Variants in JAG2 observed in about 807,000 individuals in gnomAD.
The protein encoded by JAG2 is protein jagged-2.
JAG2 carries 46 observed loss-of-function variants against 141.7 expected under a neutral mutation model. The ratio of observed to expected loss-of-function variants is 0.32; its 90% CI spans 0.26 to 0.42. The LOEUF (loss-of-function observed/expected upper bound fraction) is 0.42, where lower values mean the gene tolerates loss of function less well. JAG2 is among the 10% of genes least tolerant of loss of function. The probability of loss-of-function intolerance (pLI) is 1.00; values close to 1 mark genes in which losing one functional copy is unlikely to be tolerated. For synonymous variants in JAG2, 862 were observed against 763.5 expected (o/e 1.13, Z -2.13); for missense variants, 1,500 against 1,817.5 (o/e 0.83, Z 3.18).
chr14:105,157,378 G>C (rs1392456800), intron 3 of JAG2, among the ~76,000 whole-genome samples: 1 of 152,034 alleles, frequency 6.6e-6, no homozygotes, highest in Non-Finnish European at 1.5e-5. Context: ...AAGGCTCCAT[G>C]CTCCAGTACA....
At chr14:105,155,353 C>T (rs1347595714) in intron 5 of JAG2, among the ~76,000 whole-genome samples, 1 of 152,176 alleles carries the variant, frequency 6.6e-6, no homozygotes, top group Non-Finnish European at 1.5e-5. Context: ...CCTCACTGTC[C>T]TCACATGGCT....
At chr14:105,147,204 A>G in intron 20 of JAG2, 122 bp downstream of exon 20, 3 of 763,884 alleles carry the variant, frequency 3.9e-6, no homozygotes, top group Non-Finnish European at 6.8e-6. Context: ...GGCTCAGAAG[A>G]GAGGCAGGAA....
At chr14:105,146,201 T>C (rs1888217860) in intron 22 of JAG2, among the ~76,000 whole-genome samples, 184 bp downstream of exon 22, 1 of 152,158 alleles carries the variant, frequency 6.6e-6, no homozygotes, top group African/African-American at 2.4e-5. Flanking sequence ...AGACCAGGCC[T>C]GTTTTCCCAA....
chr14:105,167,519 G>A lies in JAG2; in HGVS notation c.417+238C>T, dbSNP rs917639257. ...CCGCACACCGCCGCGCACGCGGGACGCCGCCGCCCCGCCCCCGCCGCGACC... is the reference window on the plus strand; with the variant it reads ...CCGCACACCGCCGCGCACGCGGGACACCGCCGCCCCGCCCCCGCCGCGACC... On this transcript the variant is annotated intron_variant, in intron 2 of 25. Coordinates refer to ENST00000331782, the MANE Select transcript of JAG2 (RefSeq NM_002226.5). This position sits in a 1 kb window ranked among gnomAD's most constrained non-coding sequence, Gnocchi z 4.8. 1.1e-4 allele frequency among the ~76,000 whole-genome samples: 16 copies of A among 148,476 alleles called. No homozygotes were observed. Among genetic ancestry groups the A allele is most frequent in the African/African-American group, 3.9e-4 (16 of 41,078 alleles).
chr14:105,148,804 T>C lies in JAG2; in HGVS notation c.1961A>G (p.Glu654Gly), dbSNP rs770845911. 2.3e-5 allele frequency: 36 copies of C among 1,598,562 alleles called. No homozygotes were observed. The highest frequency in any genetic ancestry group is 5.1e-5 in the Admixed American group (3 of 58,368). Residue 654 changes from glutamate (E) to glycine (G), a missense_variant, in exon 15 of 26, where the codon GAG becomes GGG. By Grantham distance (98) the Glu-to-Gly change is moderately conservative (BLOSUM62 -2). Transcript: ENST00000331782. ...PCRNGGTCIDEVDAFRCFCPS... is the reference protein window; with the variant it reads ...PCRNGGTCIDGVDAFRCFCPS... ...GCAGAAGCAGCGGAAGGCGTCCACC[T>C]CATCGATGCATGTGCCCCCATTGCG... is the stretch of plus-strand genomic sequence containing the variant.
At chr14:105,168,265 A>C in intron 1 of JAG2, 90 bp downstream of exon 1, 1 of 708,360 alleles carries the variant, frequency 1.4e-6, no homozygotes, top group Non-Finnish European at 1.7e-6. Context: ...CTTCCGAACC[A>C]CGGCGGCCCC....
chr14:105,158,299 G>A (rs1031086423), intron 2 of JAG2, among the ~76,000 whole-genome samples: 1 of 152,148 alleles, frequency 6.6e-6, no homozygotes, highest in Admixed American at 6.5e-5. Context: ...CCAACAGGCC[G>A]GAGCTCAGGT....
chr14:105,145,212 CCCACCCGGCTGTG>C lies in JAG2; in HGVS notation c.2953-164_2953-152del, dbSNP rs1888187508. ...TGCCAAGGGCCTGGGGGGGCAGCTT[CCCACCCGGCTGTG>C]CCCTATACCAGGAGGCAGGAGTGAC... On this transcript the variant is annotated intron_variant, in intron 23 of 25. Coordinates refer to ENST00000331782, the MANE Select transcript of JAG2 (RefSeq NM_002226.5). 3.6e-6 allele frequency: 4 copies of C among 1,103,334 alleles called. No homozygotes were observed. The East Asian group carries it at 7.6e-5, about 21-fold the overall frequency. 68.3% of individuals were successfully genotyped at this position (1,103,334 alleles called of 1,614,324 possible).
At chr14:105,148,665 G>A (rs1888307978) in intron 15 of JAG2, 80 bp downstream of exon 15, 39 of 1,285,972 alleles carry the variant, frequency 3.0e-5, no homozygotes, top group Non-Finnish European at 4.1e-5. Context: ...GCCGCACCCA[G>A]ACAGCGGTCC....
rs1474221368 is a variant in JAG2 at position 105,154,321 on chromosome 14, T to C, written c.788+1241A>G. Among the ~76,000 whole-genome samples, 1 of 152,072 alleles carries C rather than the reference T, an allele frequency of 6.6e-6. No homozygotes were observed. On this transcript the variant is annotated intron_variant, in intron 5 of 25. Transcript: ENST00000331782. The surrounding 1 kb of genome is among the most constrained non-coding windows in gnomAD (Gnocchi z 4.4). ...CAATCCAAGGCTGGCTGGAGGGCGG[T>C]GCTCACCTCCACCTGCTGTCTCTCC...
intron 5 of JAG2, among the ~76,000 whole-genome samples, 196 bp downstream of exon 5, chr14:105,155,366 C>T (rs1402173388): frequency 1.3e-5 from 2 of 152,156 alleles, no homozygotes; most frequent in African/African-American, 2.4e-5. Flanking sequence ...ACATGGCTGC[C>T]GCCATCAGAC....
At position 105,143,136 on chromosome 14, in the gene JAG2, G is replaced by A. The variant is rs1215368363; in HGVS notation, c.3276C>T (p.Ser1092=). The change falls in exon 26 of 26, where the codon AGC becomes AGT. Residue 1092 remains serine, a synonymous_variant. Coordinates refer to ENST00000331782, the MANE Select transcript of JAG2 (RefSeq NM_002226.5). ...LLVPVLCGAF[S]VLWLACVVLC... ...GGACCACGCACGCCAGCCACAGCACGCTGAAGGCACCACACAGCACAGGCA... is the reference window on the plus strand; with the variant it reads ...GGACCACGCACGCCAGCCACAGCACACTGAAGGCACCACACAGCACAGGCA... 4.4e-6 allele frequency: 7 copies of A among 1,598,742 alleles called. No homozygotes were observed. Among genetic ancestry groups the A allele is most frequent in the Admixed American group, 3.3e-5 (2 of 59,978 alleles).
chr14:105,152,343 G>C, intron 5 of JAG2, 52 bp from the exon 6 acceptor site: 1 of 1,590,112 alleles, frequency 6.3e-7, no homozygotes, highest in Non-Finnish European at 8.6e-7. Context: ...TGCCTGAAAG[G>C]GTGGCAGGGG....
chr14:105,166,890 C>A (rs923992263), intron 2 of JAG2, among the ~76,000 whole-genome samples: 5 of 152,172 alleles, frequency 3.3e-5, no homozygotes, highest in African/African-American at 1.2e-4. Flanking sequence ...AATGACCAAG[C>A]AGGGAAGGAC....
chr14:105,162,468 G>A (rs1250231814), intron 2 of JAG2, among the ~76,000 whole-genome samples: 2 of 152,126 alleles, frequency 1.3e-5, no homozygotes, highest in Admixed American at 1.3e-4. Context: ...CCAGGCCAGG[G>A]CACCTCAAAG....
intron 2 of JAG2, among the ~76,000 whole-genome samples, chr14:105,166,493 T>C (rs989928155): frequency 5.9e-5 from 9 of 152,232 alleles, no homozygotes; most frequent in African/African-American, 1.9e-4. Context: ...GGGGGACACT[T>C]TCCCCTCTCT....
intron 3 of JAG2, among the ~76,000 whole-genome samples, chr14:105,156,723 T>C (rs1195729149): frequency 1.3e-5 from 2 of 152,132 alleles, no homozygotes; most frequent in African/African-American, 4.8e-5. Flanking sequence ...GGCCAAGGCC[T>C]GGGAGGACAC....
In JAG2 at chr14:105,154,416, G is replaced by A. The variant is rs1888522305; in HGVS notation, c.788+1146C>T. 6.6e-6 allele frequency among the ~76,000 whole-genome samples: 1 copy of A among 151,940 alleles called. No individual in the cohort carries two copies. Among genetic ancestry groups the A allele is most frequent in the South Asian group, 2.1e-4 (1 of 4,822 alleles). ...CAGTGAGCGCCACGGCTCGAAGCCC[G>A]TGCCCACCCCAGACCCTGGGCCCCA... On this transcript the variant is annotated intron_variant, in intron 5 of 25. Coordinates refer to ENST00000331782, the MANE Select transcript of JAG2 (RefSeq NM_002226.5). The surrounding 1 kb of genome is among the most constrained non-coding windows in gnomAD (Gnocchi z 4.4).
Position 105,167,612 on chromosome 14 carries a change from C to T in JAG2, c.417+145G>A. The T allele has an allele frequency of 2.1e-6, 2 of 961,366 alleles. No homozygotes were observed. The highest frequency in any genetic ancestry group is 2.6e-6 in the Non-Finnish European group (2 of 771,984). The allele number at this position is 961,366 out of a possible 1,614,324, so 59.6% of individuals were successfully genotyped here. On this transcript the variant is annotated intron_variant, in intron 2 of 25. Transcript: ENST00000331782. This position sits in a 1 kb window ranked among gnomAD's most constrained non-coding sequence, Gnocchi z 4.8. ...AGGCGCGGACCAAGTCCCCAGAGCA[C>T]GCGCCCCCTGCCGGCCCCGCCCCGC...
Sources: gnomAD v4.1 joint callset for allele counts (sites outside exome capture counted in the v4.1 genomes callset) on GRCh38, gnomAD v4.1.1 for gene constraint, Gnocchi (gnomAD v3.1) non-coding constraint, MANE v1.5 for transcripts, NCBI Gene and HGNC (gene_info 2026-07-23, HGNC 2026-07-21) for gene names.